The following ARID3B variants were observed in gnomAD, a reference collection of about 807,000 sequenced individuals.
The protein encoded by ARID3B is AT-rich interactive domain-containing protein 3B.
ARID3B carries 10 observed loss-of-function variants against 51.9 expected under a neutral mutation model. The ratio of observed to expected loss-of-function variants is 0.19; its 90% CI spans 0.12 to 0.33. The LOEUF (loss-of-function observed/expected upper bound fraction) is 0.33. ARID3B is among the 10% of genes least tolerant of loss of function. ARID3B has a pLI of 1.00. For synonymous variants in ARID3B, 205 were observed against 279.5 expected, an observed-to-expected ratio of 0.73 and a Z score of 2.66; for missense variants, 483 against 716.3, an observed-to-expected ratio of 0.67 and a Z score of 3.72.
intron 2 of ARID3B, among the ~76,000 whole-genome samples, chr15:74,570,643 G>A (rs1390842625): frequency 2.0e-5 from 3 of 152,180 alleles, no homozygotes; most frequent in African/African-American, 4.8e-5. Flanking sequence ...CCCATTAAAT[G>A]TCTTTCAACT....
chr15:74,543,661 C>T (rs917046047), intron 1 of ARID3B, among the ~76,000 whole-genome samples, 199 bp from the exon 2 acceptor site: 5 of 152,114 alleles, frequency 3.3e-5, no homozygotes, highest in African/African-American at 1.2e-4. Context: ...CCTCTTAGAT[C>T]CTGTTTCTCT....
At chr15:74,590,787 C>T (rs546898906) in intron 5 of ARID3B, among the ~76,000 whole-genome samples, 67 of 152,282 alleles carry the variant, frequency 4.4e-4, no homozygotes, top group African/African-American at 1.6e-3. Context: ...AAGAATTGCT[C>T]CTATCTGACT....
chr15:74,579,872 T>TGCGCGCGC (rs1308828023), intron 4 of ARID3B, among the ~76,000 whole-genome samples: 1 of 118,936 alleles, frequency 8.4e-6, no homozygotes, highest in Non-Finnish European at 1.6e-5. Flanking sequence ...TGTGTGTGTG[T>TGCGCGCGC]GCGCGCGCGC....
At chr15:74,553,232 A>G (rs1172873517) in intron 2 of ARID3B, among the ~76,000 whole-genome samples, 5 of 152,246 alleles carry the variant, frequency 3.3e-5, no homozygotes, top group Admixed American at 2.6e-4. Flanking sequence ...CAGCATATAC[A>G]GGTATAGTAT....
chr15:74,552,056 C>CTTTTTTTTTTTTTTTTTTTTTTTTTT (rs869096001), intron 2 of ARID3B, among the ~76,000 whole-genome samples: 3 of 102,630 alleles, frequency 2.9e-5, no homozygotes, highest in African/African-American at 8.1e-5. Context: ...TCTTTCTTTC[C>CTTTTTTTTTTTTTTTTTTTTTTTTTT]TTTTTTTTTT....
intron 4 of ARID3B, among the ~76,000 whole-genome samples, chr15:74,588,458 C>G (rs2061789663): frequency 6.6e-6 from 1 of 152,134 alleles, no homozygotes. Flanking sequence ...TAAGGTCCAC[C>G]AGGCAGCCCA....
At chr15:74,549,898 C>T (rs890433975) in intron 2 of ARID3B, among the ~76,000 whole-genome samples, 5 of 152,176 alleles carry the variant, frequency 3.3e-5, no homozygotes, top group African/African-American at 1.2e-4. Context: ...CATCCTATAA[C>T]GCACTGGACA....
rs1596265422 is a variant in ARID3B at position 74,591,899 on chromosome 15, T to C, written c.1420+85T>C. ...CCTGGGACTGGTGGGGCAGGGGTGG[T>C]GAGGCACATACTCCTGACCTGGAAG... On this transcript the variant is annotated intron_variant, in intron 7 of 8. Coordinates refer to ENST00000346246, the MANE Select transcript of ARID3B (RefSeq NM_006465.4). The surrounding 1 kb of genome is among the most constrained non-coding windows in gnomAD (Gnocchi z 5.8). 2 of 1,550,816 alleles carry C rather than the reference T, an allele frequency of 1.3e-6. No homozygotes were observed. Among genetic ancestry groups the C allele is most frequent in the East Asian group, 4.5e-5 (2 of 44,296 alleles).
chr15:74,559,069 G>A (rs1331977712), intron 2 of ARID3B, among the ~76,000 whole-genome samples: 2 of 152,180 alleles, frequency 1.3e-5, no homozygotes, highest in Non-Finnish European at 2.9e-5. Context: ...CTGGCTTTAT[G>A]CAGTTGTTTC....
intron 2 of ARID3B, among the ~76,000 whole-genome samples, chr15:74,555,025 T>C (rs2061652361): frequency 6.6e-6 from 1 of 152,192 alleles, no homozygotes; most frequent in South Asian, 2.1e-4. Context: ...TGGTAGATGT[T>C]TGTGGTGATG....
At chr15:74,541,706 T>C (rs1338094634) in intron 1 of ARID3B, among the ~76,000 whole-genome samples, 1 of 148,994 alleles carries the variant, frequency 6.7e-6, no homozygotes, top group African/African-American at 2.5e-5. Context: ...CGTGCAGGGG[T>C]GACCGGGAAG....
intron 2 of ARID3B, among the ~76,000 whole-genome samples, chr15:74,553,912 C>T (rs995695261): frequency 6.6e-6 from 1 of 152,052 alleles, no homozygotes; most frequent in Non-Finnish European, 1.5e-5. Context: ...CAACCTCCGC[C>T]TCCCGGGTTC....
chr15:74,556,221 A>AT (rs1422161098), intron 2 of ARID3B, among the ~76,000 whole-genome samples: 1 of 152,170 alleles, frequency 6.6e-6, no homozygotes, highest in Non-Finnish European at 1.5e-5. Flanking sequence ...AATTGGCCTA[A>AT]TTTCAGTATG....
intron 4 of ARID3B, among the ~76,000 whole-genome samples, chr15:74,577,210 C>T (rs567891999): frequency 6.8e-4 from 104 of 151,938 alleles, no homozygotes; most frequent in African/African-American, 2.5e-3. Context: ...TGGCTCATGC[C>T]TATAATTCCA....
rs571820934 is a variant in ARID3B at position 74,555,925 on chromosome 15, G to A, written c.552+11437G>A. 4.7e-4 allele frequency among the ~76,000 whole-genome samples: 71 copies of A among 150,534 alleles called. No homozygotes were observed. In the Middle Eastern group the frequency reaches 0.021, roughly 44 times the overall value. The stretch of plus-strand genomic sequence containing the variant: ...TCCTGCCTCAGCCTCCCGAGTAGCT[G>A]AGACTACAGGCGCCCACCAGCATGC... On this transcript the variant is annotated intron_variant, in intron 2 of 8. Transcript: ENST00000346246.
intron 2 of ARID3B, among the ~76,000 whole-genome samples, chr15:74,556,776 G>GTTTTTTTTTTTTTTTTT (rs1283802329): frequency 8.2e-6 from 1 of 122,542 alleles, no homozygotes; most frequent in African/African-American, 3.1e-5. Flanking sequence ...TTTGTTTTTT[G>GTTTTTTTTTTTTTTTTT]TTTTTTTTTT....
intron 2 of ARID3B, among the ~76,000 whole-genome samples, chr15:74,550,846 C>A (rs2061634520): frequency 6.6e-6 from 1 of 152,178 alleles, no homozygotes; most frequent in Non-Finnish European, 1.5e-5. Context: ...CCGCTATCCT[C>A]AGGAAGTGAT....
At chr15:74,577,284 A>G (rs538316063) in intron 4 of ARID3B, among the ~76,000 whole-genome samples, 101 of 151,842 alleles carry the variant, frequency 6.7e-4, no homozygotes, top group African/African-American at 2.4e-3. Context: ...AGCCTGGGCA[A>G]CGTAACAAGA....
chr15:74,566,173 C>G (rs1053337149), intron 2 of ARID3B, among the ~76,000 whole-genome samples: 1 of 152,158 alleles, frequency 6.6e-6, no homozygotes, highest in Non-Finnish European at 1.5e-5. Context: ...GCCACCTACC[C>G]CCAGTGCAGG....
Sources: gnomAD v4.1 joint callset for allele counts (sites outside exome capture counted in the v4.1 genomes callset) on GRCh38, gnomAD v4.1.1 for gene constraint, Gnocchi (gnomAD v3.1) non-coding constraint, MANE v1.5 for transcripts, NCBI Gene and HGNC (gene_info 2026-07-23, HGNC 2026-07-21) for gene names.